ATP5MK: variants seen among roughly 807,000 people sequenced by gnomAD.
ATP5MK encodes ATP synthase F(0) complex subunit k, mitochondrial.
ATP5MK carries 5 observed loss-of-function variants against 6.6 expected under a neutral mutation model. The observed-to-expected ratio is 0.76, with a 90% CI of 0.40 to 1.60. ATP5MK has a LOEUF of 1.60. ATP5MK is among the 40% of genes most tolerant of loss of function. The probability of loss-of-function intolerance (pLI) is 0.02; values close to 1 mark genes in which losing one functional copy is unlikely to be tolerated. For synonymous variants in ATP5MK, 30 were observed against 24.5 expected (o/e 1.22, Z -0.66); for missense variants, 57 against 66.6 (o/e 0.86, Z 0.50).
chr10:103,394,252 G>A (rs2093423262), intron 2 of ATP5MK: 2 of 530,174 alleles, frequency 3.8e-6, no homozygotes, highest in African/African-American at 1.9e-5. Context: ...GTATTCAAAA[G>A]GTCACCAGAA....
chr10:103,392,119 A>C, intron 4 of ATP5MK, 72 bp downstream of exon 4: 2 of 1,392,668 alleles, frequency 1.4e-6, no homozygotes, highest in South Asian at 2.6e-5. Context: ...GTTTATTTTT[A>C]TACTAAATGT....
In ATP5MK at chr10:103,392,254, T is replaced by C; in HGVS notation, c.117A>G (p.Ala39=). 1 of 1,613,610 alleles carries C rather than the reference T, an allele frequency of 6.2e-7. No individual in the cohort carries two copies. The highest frequency in any genetic ancestry group is 8.5e-7 in the Non-Finnish European group (1 of 1,179,868). ...TTAACTTGAAATATAAGACAATCAA[T>C]GCAATGCTTCCATATGTGGCCAGTA... ...NCVLATYGSI[A]LIVLYFKLRS... is the part of the protein sequence containing the mutation. The change falls in exon 4 of 5, where the codon GCA becomes GCG. Residue 39 remains alanine (A), a synonymous_variant. Transcript: ENST00000369815.
intron 2 of ATP5MK, chr10:103,394,193 T>C: frequency 4.1e-6 from 2 of 482,574 alleles, no homozygotes; most frequent in Middle Eastern, 3.4e-4. Flanking sequence ...GCTTAATCTA[T>C]AGTACCTGTG....
In ATP5MK at chr10:103,392,209, A is replaced by G. The variant is rs1476348113; in HGVS notation, c.162T>C (p.Ala54=). 2 of 1,613,066 alleles carry G rather than the reference A, an allele frequency of 1.2e-6. No individual in the cohort carries two copies. The highest frequency in any genetic ancestry group is 1.7e-6 in the Non-Finnish European group (2 of 1,179,696). The change falls in exon 4 of 5, where the codon GCT becomes GCC. Residue 54 remains alanine (A), a synonymous_variant. Coordinates refer to ENST00000369815, the MANE Select transcript of ATP5MK (RefSeq NM_001206427.2). ...YFKLRSKKTP[A]VKAT ...TTCTTACCATTTATGTTGCTTTCACAGCTGGAGTTTTTTTGGACCTTAACT... is the reference window on the plus strand; with the variant it reads ...TTCTTACCATTTATGTTGCTTTCACGGCTGGAGTTTTTTTGGACCTTAACT...
chr10:103,390,839 C>T (rs2093412433), intron 4 of ATP5MK, among the ~76,000 whole-genome samples: 1 of 151,806 alleles, frequency 6.6e-6, no homozygotes, highest in African/African-American at 2.4e-5. Flanking sequence ...GAAGATCTGG[C>T]ATTTGGGCTT....
In ATP5MK at chr10:103,392,371, G is replaced by A. The variant is rs1276447984; in HGVS notation, c.87C>T (p.Asn29=). Residue 29 remains asparagine (N), a splice_region_variant and synonymous_variant, in exon 3 of 5, where the codon AAC becomes AAT. Coordinates refer to ENST00000369815, the MANE Select transcript of ATP5MK (RefSeq NM_001206427.2). ...FNSYTLTGRM[N]CVLATYGSIA... ...ACTGCTTAAAGTTATCAATACTTAC[G>A]TTCATTCTACCTGTGAGAGTATAAG... is the stretch of plus-strand genomic sequence containing the variant. The A allele has an allele frequency of 5.0e-6, 8 of 1,598,788 alleles. No homozygotes were observed. Among genetic ancestry groups the A allele is most frequent in the African/African-American group, 1.4e-5 (1 of 73,912 alleles).
chr10:103,389,328 C>CT lies in ATP5MK; in HGVS notation c.*4-163dup, dbSNP rs150939334. ...AATTAAAGTGTATCTCAGATTAATA[C>CT]TTTTTTTTTTTTGAGACAGAGTTCG... On this transcript the variant is annotated intron_variant, in intron 4 of 4. Coordinates refer to ENST00000369815, the MANE Select transcript of ATP5MK (RefSeq NM_001206427.2). Among the ~76,000 whole-genome samples the CT allele has an allele frequency of 1.1e-3, 162 of 147,388 alleles. No homozygotes were observed. In the South Asian group the frequency reaches 0.017, roughly 15 times the overall value.
chr10:103,394,001 T>C (rs1013124702), intron 2 of ATP5MK, among the ~76,000 whole-genome samples: 67 of 152,360 alleles, frequency 4.4e-4, no homozygotes, highest in Admixed American at 4.2e-3. Flanking sequence ...CACTGGAAAC[T>C]TGTTAGTGCA....
chr10:103,392,530 T>G lies in ATP5MK; in HGVS notation c.-9-64A>C, dbSNP rs982287312. On this transcript the variant is annotated intron_variant, in intron 2 of 4. Transcript: ENST00000369815. The stretch of plus-strand genomic sequence containing the variant: ...GGATGTAATTTAAAAGTAAATAAAT[T>G]TTGTCTTGTTTTAGTCTAAAAACTC... 8.4e-6 allele frequency: 11 copies of G among 1,307,822 alleles called. No individual in the cohort carries two copies. The African/African-American group carries it at 1.2e-4, about 14-fold the overall frequency. The allele number at this position is 1,307,822 out of a possible 1,614,324, so 81.0% of individuals were successfully genotyped here.
intron 2 of ATP5MK, among the ~76,000 whole-genome samples, chr10:103,392,682 A>G (rs1261044755): frequency 6.6e-6 from 1 of 152,184 alleles, no homozygotes; most frequent in Non-Finnish European, 1.5e-5. Flanking sequence ...CTTGATCGCT[A>G]TTTCATGAAC....
At chr10:103,394,412 G>A (rs748313283) in intron 2 of ATP5MK, 2 of 503,028 alleles carry the variant, frequency 4.0e-6, no homozygotes, top group African/African-American at 3.9e-5. Flanking sequence ...AAATGGAAGA[G>A]GGAGATATCT....
At chr10:103,396,053 A>C (rs1203384478) in intron 1 of ATP5MK, 21 bp from the exon 2 acceptor site, 2 of 152,286 alleles carry the variant, frequency 1.3e-5, no homozygotes, top group African/African-American at 4.8e-5. Context: ...ACAGAAGAAA[A>C]GAGGTTAATT....
At chr10:103,391,327 T>C (rs1183702956) in intron 4 of ATP5MK, among the ~76,000 whole-genome samples, 1 of 152,254 alleles carries the variant, frequency 6.6e-6, no homozygotes, top group Non-Finnish European at 1.5e-5. Context: ...GTAGTATTAC[T>C]AATTCTAATG....
chr10:103,389,857 G>A (rs1319061942), intron 4 of ATP5MK, among the ~76,000 whole-genome samples: 2 of 150,968 alleles, frequency 1.3e-5, no homozygotes, highest in Non-Finnish European at 3.0e-5. Context: ...TCAGCCTCTC[G>A]AGTAGCTGGG....
chr10:103,393,853 C>A (rs2093421941), intron 2 of ATP5MK, among the ~76,000 whole-genome samples: 1 of 152,206 alleles, frequency 6.6e-6, no homozygotes. Flanking sequence ...CGACACACAA[C>A]AGGCACAGAT....
Position 103,392,386 on chromosome 10 carries a change from G to C in ATP5MK, c.72C>G (p.Leu24=). ...GIKKYFNSYT[L]TGRMNCVLAT... Reference sequence around the variant, plus strand: ...CAATACTTACGTTCATTCTACCTGTGAGAGTATAAGAGTTGAAATATTTTT... The same window carrying C: ...CAATACTTACGTTCATTCTACCTGTCAGAGTATAAGAGTTGAAATATTTTT... The change falls in exon 3 of 5, where the codon CTC becomes CTG. Residue 24 remains leucine (L), a synonymous_variant. Transcript: ENST00000369815. 1 of 1,605,870 alleles carries C rather than the reference G, an allele frequency of 6.2e-7. No individual in the cohort carries two copies. Among genetic ancestry groups the C allele is most frequent in the Middle Eastern group, 1.7e-4 (1 of 6,032 alleles).
chr10:103,391,584 T>C (rs2093414618), intron 4 of ATP5MK, among the ~76,000 whole-genome samples: 2 of 152,162 alleles, frequency 1.3e-5, no homozygotes, highest in Non-Finnish European at 2.9e-5. Context: ...CTCAGCTCAC[T>C]GCAACCTCTG....
chr10:103,390,505 C>T (rs74663036), intron 4 of ATP5MK, among the ~76,000 whole-genome samples: 2,159 of 149,096 alleles, frequency 0.014, 48 homozygotes, highest in African/African-American at 0.048. Flanking sequence ...GAAAAATATC[C>T]GGGCTGGGTG....
intron 4 of ATP5MK, among the ~76,000 whole-genome samples, chr10:103,391,467 G>GT (rs1337193683): frequency 6.6e-6 from 1 of 151,884 alleles, no homozygotes; most frequent in Non-Finnish European, 1.5e-5. Context: ...CAAAATACAT[G>GT]TAACAAAAAC....
Sources: allele counts gnomAD v4.1 joint callset (sites outside exome capture counted in the v4.1 genomes callset), GRCh38; gene constraint gnomAD v4.1.1; transcripts MANE v1.5; gene names NCBI Gene and HGNC (gene_info 2026-07-23, HGNC 2026-07-21).